The following NFAM1 variants were observed in gnomAD, a reference collection of about 807,000 sequenced individuals.
The protein encoded by NFAM1 is NFAT activating protein with ITAM motif 1, also known as NFAT activation molecule 1.
In NFAM1, 17 loss-of-function variants were observed where a neutral mutation model predicts 29.0. The ratio of observed to expected loss-of-function variants is 0.59; its 90% CI spans 0.40 to 0.88. The LOEUF (loss-of-function observed/expected upper bound fraction) is 0.88, where lower values mean the gene tolerates loss of function less well. NFAM1 is among the 40% of genes least tolerant of loss of function. The probability of loss-of-function intolerance (pLI) is 0.00; values close to 1 mark genes in which losing one functional copy is unlikely to be tolerated. For synonymous variants in NFAM1, 175 were observed against 147.2 expected (o/e 1.19, Z -1.36); for missense variants, 324 against 344.6 (o/e 0.94, Z 0.47).
At chr22:42,399,088 G>C (rs1237885574) in intron 3 of NFAM1, among the ~76,000 whole-genome samples, 4 of 152,152 alleles carry the variant, frequency 2.6e-5, no homozygotes, top group Non-Finnish European at 4.4e-5. Context: ...AGGGAGGAGG[G>C]AGCCTCAGGT....
rs140355227 is a variant in NFAM1, at chr22:42,387,069, G to A, written c.673C>T (p.Arg225Cys). The A allele has an allele frequency of 4.6e-5, 73 of 1,580,070 alleles. No individual in the cohort carries two copies. Among genetic ancestry groups the A allele is most frequent in the African/African-American group, 4.5e-4 (33 of 72,814 alleles). Reference sequence around the variant, plus strand: ...CAGGCATAGACCTCGGTCTCGCGGCGCTGCAGAGCCTACAGGAAACGGGGT... The same window carrying A: ...CAGGCATAGACCTCGGTCTCGCGGCACTGCAGAGCCTACAGGAAACGGGGT... ...PSESVYTALQ[R>C]RETEVYACIE... Residue 225 changes from arginine to cysteine, a missense_variant, in exon 5 of 6, where the codon CGC (arginine) becomes TGC (cysteine). Coordinates refer to ENST00000329021, the MANE Select transcript of NFAM1 (RefSeq NM_145912.8).
chr22:42,412,122 C>T (rs1421872519), intron 1 of NFAM1, among the ~76,000 whole-genome samples: 1 of 152,072 alleles, frequency 6.6e-6, no homozygotes, highest in Non-Finnish European at 1.5e-5. Flanking sequence ...ATCCCAGCTA[C>T]TCGGGAGACT....
chr22:42,384,827 G>A lies in NFAM1; in HGVS notation c.*334C>T. 1 of 413,182 alleles carries A rather than the reference G, an allele frequency of 2.4e-6. No individual in the cohort carries two copies. Among genetic ancestry groups the A allele is most frequent in the Non-Finnish European group, 4.5e-6 (1 of 221,374 alleles). 25.6% of individuals were successfully genotyped at this position (413,182 alleles called of 1,614,324 possible). A position where few individuals can be genotyped will look rare whatever the true frequency, so the allele number is the denominator to read the frequency against. On this transcript the variant is annotated 3_prime_UTR_variant, in exon 6 of 6. Transcript: ENST00000329021. Reference sequence around the variant, plus strand: ...GCCAAGAGAGCATGCTGCTCTGTCAGCATGAGGCAGTGAGCAGGGCTCTGG... The same window carrying A: ...GCCAAGAGAGCATGCTGCTCTGTCAACATGAGGCAGTGAGCAGGGCTCTGG...
At chr22:42,436,850 G>T, upstream of NFAM1, 1 of 289,292 alleles carries the variant, frequency 3.5e-6, no homozygotes, top group Non-Finnish European at 5.2e-6. Context: ...CCCGGGACCT[G>T]GCTTTAACCA....
intron 1 of NFAM1, among the ~76,000 whole-genome samples, chr22:42,414,444 C>T (rs2147111097): frequency 6.6e-6 from 1 of 151,998 alleles, no homozygotes. Flanking sequence ...ATATTGTCCC[C>T]CAGGGACCCA....
At chr22:42,394,722 G>A (rs569525117) in intron 4 of NFAM1, among the ~76,000 whole-genome samples, 60 of 152,222 alleles carry the variant, frequency 3.9e-4, no homozygotes, top group South Asian at 1.0e-3. Flanking sequence ...AACCTTCCCC[G>A]GAGACTGGGA....
chr22:42,395,226 C>A (rs1268678946), intron 4 of NFAM1, among the ~76,000 whole-genome samples: 1 of 151,714 alleles, frequency 6.6e-6, no homozygotes, highest in Non-Finnish European at 1.5e-5. Flanking sequence ...GTAATCCCAG[C>A]ACTTTAGGAG....
rs1197681315 is a variant in NFAM1, at chr22:42,380,815, A to AGC, written c.*4345_*4346insGC. ...TTAACAAAAAAAAAAAGAGAGAGAG[A>AGC]GAGAAAGAAAAAGGAAAAGCAGGTT... On this transcript the variant is annotated 3_prime_UTR_variant, in exon 6 of 6. Coordinates refer to ENST00000329021, the MANE Select transcript of NFAM1 (RefSeq NM_145912.8). The AGC allele has an allele frequency of 6.6e-6, 1 of 151,298 alleles. No individual in the cohort carries two copies. Among genetic ancestry groups the AGC allele is most frequent in the Non-Finnish European group, 1.5e-5 (1 of 67,788 alleles). 9.4% of individuals were successfully genotyped at this position (151,298 alleles called of 1,614,324 possible).
intron 4 of NFAM1, among the ~76,000 whole-genome samples, chr22:42,394,846 G>A (rs994262745): frequency 1.3e-4 from 20 of 152,150 alleles, no homozygotes; most frequent in African/African-American, 4.3e-4. Flanking sequence ...GGCCGGGTGC[G>A]GTGGCTCACG....
intron 4 of NFAM1, among the ~76,000 whole-genome samples, chr22:42,396,028 C>G (rs975460549): frequency 6.6e-6 from 1 of 152,124 alleles, no homozygotes; most frequent in Non-Finnish European, 1.5e-5. Context: ...AGTAGGTACA[C>G]AACAAATGGC....
intron 1 of NFAM1, among the ~76,000 whole-genome samples, chr22:42,415,790 G>A (rs556598555): frequency 2.6e-5 from 4 of 152,274 alleles, no homozygotes; most frequent in African/African-American, 9.6e-5. Context: ...AGGTTTCACG[G>A]TCATTTCCAA....
In NFAM1 at chr22:42,421,660, C is replaced by T. The variant is rs17003074; in HGVS notation, c.122-9924G>A. 9.8e-3 allele frequency among the ~76,000 whole-genome samples: 1,484 copies of T among 152,182 alleles called. 12 individuals are homozygous for T. Among genetic ancestry groups the T allele is most frequent in the Non-Finnish European group, 0.016 (1,109 of 68,018 alleles). The stretch of plus-strand genomic sequence containing the variant: ...AATCCCTTCTATGGCATCAAGCGCG[C>T]GTTGTCAGTCAAGGGCGTGAGGACC... On this transcript the variant is annotated intron_variant, in intron 1 of 5. Coordinates refer to ENST00000329021, the MANE Select transcript of NFAM1 (RefSeq NM_145912.8).
intron 1 of NFAM1, among the ~76,000 whole-genome samples, chr22:42,420,015 T>G (rs113673976): frequency 1.2e-4 from 17 of 140,212 alleles, no homozygotes; most frequent in Non-Finnish European, 2.0e-4. Context: ...TTTTTTTTTT[T>G]TTTTTTTTTT....
chr22:42,397,837 GC>G lies in NFAM1; in HGVS notation c.663+20del. On this transcript the variant is annotated intron_variant, in intron 4 of 5. Transcript: ENST00000329021. ...CTAAGGCCTGAAAGAGGTGGAGGGA[GC>G]CGGGGGCCCCGGGACTCACTGTGTA... The G allele has an allele frequency of 1.4e-6, 2 of 1,479,602 alleles. No individual in the cohort carries two copies. The highest frequency in any genetic ancestry group is 1.9e-6 in the Non-Finnish European group (2 of 1,057,368). The allele number at this position is 1,479,602 out of a possible 1,614,324, so 91.7% of individuals were successfully genotyped here.
At chr22:42,394,596 G>T (rs1247295869) in intron 4 of NFAM1, among the ~76,000 whole-genome samples, 1 of 152,186 alleles carries the variant, frequency 6.6e-6, no homozygotes, top group East Asian at 1.9e-4. Flanking sequence ...CTTGTGGGAT[G>T]CAGCTAAAGC....
intron 3 of NFAM1, among the ~76,000 whole-genome samples, chr22:42,403,886 G>A (rs576639591): frequency 3.1e-4 from 47 of 152,174 alleles, no homozygotes; most frequent in Non-Finnish European, 2.4e-4. Flanking sequence ...TCTGAGCTGG[G>A]TACATGGGAG....
intron 5 of NFAM1, among the ~76,000 whole-genome samples, chr22:42,386,522 C>G (rs1208525583): frequency 1.3e-5 from 2 of 152,094 alleles, no homozygotes; most frequent in Non-Finnish European, 2.9e-5. Flanking sequence ...GCCAGCCCAG[C>G]TTCTACCAGC....
chr22:42,428,143 C>T (rs1930682874), intron 1 of NFAM1, among the ~76,000 whole-genome samples: 1 of 152,214 alleles, frequency 6.6e-6, no homozygotes, highest in Non-Finnish European at 1.5e-5. Flanking sequence ...GCATCCCACT[C>T]CTGTGTCAGA....
rs759663569 is a variant in NFAM1, at chr22:42,385,057, G to A, written c.*104C>T. On this transcript the variant is annotated 3_prime_UTR_variant, in exon 6 of 6. Transcript: ENST00000329021. Reference sequence around the variant, plus strand: ...TTGAATGTGAGGGTGAAATGATGGGGTGTCCCTGGGGGCCTTACTCCCAAC... The same window carrying A: ...TTGAATGTGAGGGTGAAATGATGGGATGTCCCTGGGGGCCTTACTCCCAAC... 1.2e-6 allele frequency: 1 copy of A among 830,662 alleles called. No individual in the cohort carries two copies. The highest frequency in any genetic ancestry group is 1.7e-5 in the Admixed American group (1 of 57,932). 51.5% of individuals were successfully genotyped at this position (830,662 alleles called of 1,614,324 possible).
Sources: allele counts gnomAD v4.1 joint callset (sites outside exome capture counted in the v4.1 genomes callset), GRCh38; gene constraint gnomAD v4.1.1; transcripts MANE v1.5; gene names NCBI Gene and HGNC (gene_info 2026-07-23, HGNC 2026-07-21).